Variants in KRABD4 observed in about 807,000 individuals in gnomAD.
KRABD4 encodes KRAB domain containing 4.
chrX:46,454,968 C>T, the KRABD4 span: 1 of 248,842 alleles, frequency 4.0e-6, no homozygotes, highest in Non-Finnish European at 7.1e-6. Context: ...AGATTGGACA[C>T]CCCTGCTCTA....
chrX:46,455,622 CA>C, the KRABD4 span: 1 of 375,370 alleles, frequency 2.7e-6, no homozygotes, highest in Admixed American at 4.2e-5. Flanking sequence ...TTCTTTAATA[CA>C]AAAAAGCTTT....
the KRABD4 span, among the ~76,000 whole-genome samples, chrX:46,458,659 T>A: frequency 6.2e-5 from 7 of 112,213 alleles, no homozygotes; most frequent in East Asian, 1.7e-3. Context: ...TATCTTTTTC[T>A]TATTTTAATC....
the KRABD4 span, chrX:46,456,101 C>G: frequency 3.2e-6 from 1 of 315,282 alleles, no homozygotes; most frequent in Admixed American, 3.6e-5. Context: ...ACAGATATAG[C>G]TGGTTGCATT....
the KRABD4 span, among the ~76,000 whole-genome samples, chrX:46,458,995 G>GAA: frequency 1.8e-5 from 2 of 110,197 alleles, no homozygotes; most frequent in Non-Finnish European, 3.8e-5. Context: ...TTGTCTAAGT[G>GAA]AAAAAAACCA....
chrX:46,472,752 G>A, the KRABD4 span: 1 of 1,208,014 alleles, frequency 8.3e-7, no homozygotes, highest in Non-Finnish European at 1.1e-6. Flanking sequence ...TCTTCTAGAA[G>A]TCTGGCAAGT....
chrX:46,459,860 A>G, the KRABD4 span, among the ~76,000 whole-genome samples: 1 of 111,835 alleles, frequency 8.9e-6, no homozygotes, highest in Admixed American at 9.4e-5. Context: ...GTTCCCTCAC[A>G]TACCAAGCAG....
chrX:46,471,932 G>A, the KRABD4 span: 2 of 112,015 alleles, frequency 1.8e-5, no homozygotes, highest in Non-Finnish European at 3.8e-5. Context: ...AACATCACGT[G>A]CAGGCTTTTC....
At chrX:46,457,623 G>GTTTTTT in the KRABD4 span, among the ~76,000 whole-genome samples, 30 of 75,155 alleles carry the variant, frequency 4.0e-4, no homozygotes, top group Middle Eastern at 8.2e-3. Context: ...GCCTTTCAGA[G>GTTTTTT]TTTTTTTTTT....
chrX:46,453,311 G>A, the KRABD4 span, among the ~76,000 whole-genome samples: 2 of 111,944 alleles, frequency 1.8e-5, no homozygotes, highest in African/African-American at 3.2e-5. Context: ...TTGAGTCTCC[G>A]TCTGGATGGA....
the KRABD4 span, among the ~76,000 whole-genome samples, chrX:46,451,908 A>C: frequency 6.2e-5 from 7 of 112,831 alleles, no homozygotes; most frequent in Non-Finnish European, 1.1e-4. Context: ...ATTGTAAAAA[A>C]ATTCAAACAA....
the KRABD4 span, chrX:46,462,708 G>C: frequency 2.5e-6 from 3 of 1,211,110 alleles, no homozygotes; most frequent in Non-Finnish European, 3.4e-6. Context: ...CAGTGCCCCA[G>C]GCTGGTCCTG....
At chrX:46,469,734 G>A in the KRABD4 span, among the ~76,000 whole-genome samples, 9 of 111,664 alleles carry the variant, frequency 8.1e-5, no homozygotes, top group African/African-American at 2.6e-4. Context: ...TCAGTATAAT[G>A]TTGACTAGGG....
the KRABD4 span, chrX:46,473,655 CTTTT>C: frequency 0.01 from 1,726 of 172,309 alleles, no homozygotes; most frequent in East Asian, 0.016. Flanking sequence ...ATCAGTGAAT[CTTTT>C]TTTTTTTTTT....
chrX:46,459,078 C>T, the KRABD4 span, among the ~76,000 whole-genome samples: 207 of 111,253 alleles, frequency 1.9e-3, 4 homozygotes, highest in South Asian at 0.034. Flanking sequence ...TTTGGGAGGC[C>T]GAGGTGGGTG....
the KRABD4 span, among the ~76,000 whole-genome samples, chrX:46,449,190 TG>T: frequency 8.9e-6 from 1 of 111,866 alleles, no homozygotes; most frequent in Non-Finnish European, 1.9e-5. Flanking sequence ...GAGAAAATGA[TG>T]GGGTGGGAAC....
At chrX:46,463,149 G>C in the KRABD4 span, 3 of 1,169,662 alleles carry the variant, frequency 2.6e-6, no homozygotes, top group Non-Finnish European at 3.5e-6. Flanking sequence ...CTAGGTTCTG[G>C]AATTCCTCAG....
the KRABD4 span, among the ~76,000 whole-genome samples, chrX:46,458,376 A>G: frequency 8.9e-6 from 1 of 112,349 alleles, no homozygotes; most frequent in Non-Finnish European, 1.9e-5. Flanking sequence ...AACATTTACA[A>G]TGCAAATACC....
chrX:46,461,622 C>T, the KRABD4 span, among the ~76,000 whole-genome samples: 9 of 111,588 alleles, frequency 8.1e-5, no homozygotes, highest in Non-Finnish European at 1.3e-4. Flanking sequence ...CAGAAACAGG[C>T]GGGTTATTAG....
the KRABD4 span, among the ~76,000 whole-genome samples, chrX:46,458,228 G>GTA: frequency 8.9e-6 from 1 of 112,103 alleles, no homozygotes. Context: ...ATGTAGAATA[G>GTA]TATACCATGT....
Sources: gnomAD v4.1 joint callset for allele counts (sites outside exome capture counted in the v4.1 genomes callset) on GRCh38, gnomAD v4.1.1 for gene constraint, MANE v1.5 for transcripts, NCBI Gene and HGNC (gene_info 2026-07-23, HGNC 2026-07-21) for gene names.